The following NINL variants were observed in gnomAD, a reference collection of about 807,000 sequenced individuals.
The protein encoded by NINL is ninein like.
NINL carries 153 observed loss-of-function variants against 160.3 expected under a neutral mutation model. That is an observed-to-expected ratio of 0.95 (90% CI 0.84 to 1.09). NINL has a LOEUF of 1.09. NINL is among the 50% of genes least tolerant of loss of function. NINL has a pLI of 0.00. For missense variants in NINL, 1,829 were observed against 1,764.0 expected, an observed-to-expected ratio of 1.04 and a Z score of -0.66; for synonymous variants, 800 against 734.8, an observed-to-expected ratio of 1.09 and a Z score of -1.43.
chr20:25,490,122 G>T (rs1484663819), intron 11 of NINL, 137 bp from the exon 12 acceptor site: 21 of 781,546 alleles, frequency 2.7e-5, no homozygotes, highest in Non-Finnish European at 4.5e-5. Context: ...GAGGCACCTG[G>T]TGCTGTGCAG....
At chr20:25,531,245 C>T (rs981854080) in intron 1 of NINL, among the ~76,000 whole-genome samples, 7 of 152,164 alleles carry the variant, frequency 4.6e-5, no homozygotes, top group Non-Finnish European at 7.3e-5. Context: ...TGCTGTTATC[C>T]TGTTCTTTTT....
chr20:25,476,498 C>T lies in NINL; in HGVS notation c.2793G>A (p.Ala931=), dbSNP rs758433634. 6.2e-5 allele frequency: 99 copies of T among 1,603,704 alleles called. 1 individual carries two copies. Among genetic ancestry groups the T allele is most frequent in the Non-Finnish European group, 6.7e-5 (79 of 1,179,844 alleles). ...CCCGGGCTCCAGGCTGCTCCAGCCC[C>T]GCTGCGCTCGCGCCGAAAGGCTCTG... ...KEPEPFGASA[A]GLEQPGAREL... The change falls in exon 17 of 24, where the codon GCG becomes GCA. Residue 931 remains alanine, a synonymous_variant. Transcript: ENST00000278886.
intron 7 of NINL, among the ~76,000 whole-genome samples, chr20:25,501,321 C>G (rs117226672): frequency 0.015 from 2,225 of 152,348 alleles, 18 homozygotes; most frequent in Admixed American, 0.036. Context: ...TGGAGAGGGA[C>G]GACAAAGGAG....
intron 5 of NINL, 45 bp downstream of exon 5, chr20:25,510,629 T>C: frequency 6.4e-7 from 1 of 1,568,260 alleles, no homozygotes; most frequent in African/African-American, 1.4e-5. Flanking sequence ...CTTTCAAAGC[T>C]CTGGGCAAAG....
chr20:25,542,917 G>A (rs918301026), intron 1 of NINL, among the ~76,000 whole-genome samples: 1 of 150,852 alleles, frequency 6.6e-6, no homozygotes, highest in African/African-American at 2.4e-5. Context: ...CTACTCGCCT[G>A]TAATCCCAGC....
At chr20:25,474,602 T>A (rs1313853341) in intron 17 of NINL, among the ~76,000 whole-genome samples, 1 of 152,104 alleles carries the variant, frequency 6.6e-6, no homozygotes, top group African/African-American at 2.4e-5. Context: ...TAAACAGAGT[T>A]TCACTAAAGG....
chr20:25,525,331 T>C (rs547649189), intron 2 of NINL, among the ~76,000 whole-genome samples: 1 of 152,228 alleles, frequency 6.6e-6, no homozygotes, highest in African/African-American at 2.4e-5. Context: ...GAAAATTTAC[T>C]GGCTGGGTTT....
chr20:25,455,542 G>A, intron 23 of NINL, 131 bp downstream of exon 23: 1 of 684,246 alleles, frequency 1.5e-6, no homozygotes, highest in Non-Finnish European at 2.6e-6. Context: ...TGCAGTGTAG[G>A]GTATACATTT....
chr20:25,491,938 G>A (rs2063650198), intron 10 of NINL, among the ~76,000 whole-genome samples: 1 of 152,248 alleles, frequency 6.6e-6, no homozygotes, highest in Non-Finnish European at 1.5e-5. Flanking sequence ...CCCATGGACA[G>A]TGAATTCCCA....
chr20:25,569,014 G>C (rs2065025358), intron 1 of NINL, among the ~76,000 whole-genome samples: 1 of 151,608 alleles, frequency 6.6e-6, no homozygotes, highest in Non-Finnish European at 1.5e-5. Flanking sequence ...TAGATCACTT[G>C]AGGTCAGGAG....
chr20:25,549,739 G>T (rs1440198808), intron 1 of NINL, among the ~76,000 whole-genome samples: 1 of 152,168 alleles, frequency 6.6e-6, no homozygotes, highest in Non-Finnish European at 1.5e-5. Context: ...TGGATCTCCA[G>T]ACACGCCCAT....
In NINL at chr20:25,479,223, G is replaced by A. The variant is rs375200833; in HGVS notation, c.1918-17C>T. On this transcript the variant is annotated splice_polypyrimidine_tract_variant and intron_variant, in intron 15 of 23. Transcript: ENST00000278886. ...GTAATTTACCTAAAACGAGAAACAT[G>A]AGCCCCGTGGACCAGGAGACCCTAA... 1.0e-5 allele frequency: 16 copies of A among 1,587,638 alleles called. No individual in the cohort carries two copies. Among genetic ancestry groups the A allele is most frequent in the East Asian group, 2.2e-5 (1 of 44,542 alleles).
Position 25,462,371 on chromosome 20 carries a change from G to A in NINL, c.3582+12C>T, listed in dbSNP as rs753076610. 3.1e-6 allele frequency: 4 copies of A among 1,284,576 alleles called. No homozygotes were observed. The highest frequency in any genetic ancestry group is 2.9e-5 in the Admixed American group (1 of 34,798). The allele number at this position is 1,284,576 out of a possible 1,614,324, so 79.6% of individuals were successfully genotyped here. A position where few individuals can be genotyped will look rare whatever the true frequency, so the allele number is the denominator to read the frequency against. On this transcript the variant is annotated intron_variant, in intron 20 of 23. Coordinates refer to ENST00000278886, the MANE Select transcript of NINL (RefSeq NM_025176.6). ...GCCTCCAGCTCAGCTCCCTGCGGCT[G>A]AGGCCACCCACCTGCTGCTGCCCAC...
intron 23 of NINL, among the ~76,000 whole-genome samples, chr20:25,454,364 G>A (rs1433668838): frequency 6.6e-6 from 1 of 152,190 alleles, no homozygotes; most frequent in African/African-American, 2.4e-5. Flanking sequence ...TGTGGCCTGT[G>A]CTCAGGGCCA....
In NINL at chr20:25,539,766, C is replaced by T. The variant is rs2064630257; in HGVS notation, c.-11-13168G>A. Among the ~76,000 whole-genome samples the T allele has an allele frequency of 2.0e-5, 3 of 152,250 alleles. No individual in the cohort carries two copies. In the South Asian group the frequency reaches 6.2e-4, roughly 31 times the overall value. ...GAGCCCACAGCGTGTGAGCCGCCCA[C>T]CCAAAGCCCTCTGTTTAGACTCCCC... On this transcript the variant is annotated intron_variant, in intron 1 of 23. Transcript: ENST00000278886.
intron 1 of NINL, among the ~76,000 whole-genome samples, chr20:25,551,330 C>T (rs1600328208): frequency 2.0e-5 from 3 of 151,962 alleles, no homozygotes; most frequent in Middle Eastern, 3.4e-3. Flanking sequence ...TTCTTTCCCC[C>T]ACACATTCCA....
intron 21 of NINL, among the ~76,000 whole-genome samples, chr20:25,459,896 T>C (rs183359679): frequency 6.6e-6 from 1 of 152,040 alleles, no homozygotes; most frequent in African/African-American, 2.4e-5. Flanking sequence ...GGGAAAGACG[T>C]CCCCAGGGGA....
At chr20:25,490,101 C>G (rs891602603) in intron 11 of NINL, 116 bp from the exon 12 acceptor site, 53 of 923,606 alleles carry the variant, frequency 5.7e-5, no homozygotes, top group Non-Finnish European at 8.6e-5. Context: ...GAACCCCCAC[C>G]CACCGCAGGC....
chr20:25,473,796 A>G (rs371302395), intron 17 of NINL, among the ~76,000 whole-genome samples: 1 of 152,092 alleles, frequency 6.6e-6, no homozygotes, highest in African/African-American at 2.4e-5. Flanking sequence ...TGAACTTGGG[A>G]GGCAAAGGTT....
Sources: allele counts gnomAD v4.1 joint callset (sites outside exome capture counted in the v4.1 genomes callset), GRCh38; gene constraint gnomAD v4.1.1; transcripts MANE v1.5; gene names NCBI Gene and HGNC (gene_info 2026-07-23, HGNC 2026-07-21).